Variants in CRACDL observed in about 807,000 individuals in gnomAD.
The protein encoded by CRACDL is CRACD-like protein.
CRACDL carries 26 observed loss-of-function variants against 70.6 expected under a neutral mutation model. The observed-to-expected ratio is 0.37, with a 90% CI of 0.27 to 0.51. The LOEUF is 0.51. Ranked by LOEUF, CRACDL falls within the 20% of genes least tolerant of loss-of-function variation. The probability of loss-of-function intolerance (pLI) is 0.94; values close to 1 mark genes in which losing one functional copy is unlikely to be tolerated. For missense variants in CRACDL, 1,283 were observed against 1,376.9 expected (o/e 0.93, Z 1.08); for synonymous variants, 618 against 615.2 (o/e 1.00, Z -0.07).
intron 8 of CRACDL, 142 bp from the exon 9 acceptor site, chr2:98,796,406 G>T: frequency 1.3e-6 from 1 of 749,492 alleles, no homozygotes; most frequent in Non-Finnish European, 2.2e-6. Context: ...CCTGGTGTCA[G>T]CTCACTAACA....
At chr2:98,816,050 G>C (rs369270741) in intron 7 of CRACDL, among the ~76,000 whole-genome samples, 5 of 152,088 alleles carry the variant, frequency 3.3e-5, no homozygotes, top group Admixed American at 3.3e-4. Flanking sequence ...CTGGTGGTGG[G>C]GGGGTGCAGT....
At chr2:98,865,451 G>A (rs1707096442) in intron 1 of CRACDL, among the ~76,000 whole-genome samples, 5 of 151,926 alleles carry the variant, frequency 3.3e-5, no homozygotes, top group South Asian at 4.2e-4. Context: ...ACAGATTCAC[G>A]CCTGGTTACA....
chr2:98,835,735 C>T (rs886817985), intron 3 of CRACDL, among the ~76,000 whole-genome samples: 4 of 152,142 alleles, frequency 2.6e-5, no homozygotes, highest in Admixed American at 1.3e-4. Context: ...AATTGTATTT[C>T]GGAGCAACCA....
chr2:98,848,776 C>A (rs533918204), intron 1 of CRACDL, among the ~76,000 whole-genome samples: 3 of 152,114 alleles, frequency 2.0e-5, no homozygotes, highest in Non-Finnish European at 2.9e-5. Flanking sequence ...TTTGTAGAAA[C>A]GGGGTTTCGC....
At chr2:98,826,752 C>T (rs546202322) in intron 6 of CRACDL, among the ~76,000 whole-genome samples, 5 of 152,192 alleles carry the variant, frequency 3.3e-5, no homozygotes, top group South Asian at 2.1e-4. Context: ...GACGGACAGA[C>T]GGATGGATGA....
intron 1 of CRACDL, among the ~76,000 whole-genome samples, chr2:98,864,634 C>T (rs1365233967): frequency 6.6e-6 from 1 of 152,016 alleles, no homozygotes; most frequent in East Asian, 1.9e-4. Flanking sequence ...GCAACCTCCG[C>T]CTCCTAGGTT....
rs764371246 is a variant in CRACDL at position 98,797,416 on chromosome 2, G to A, written c.2538C>T (p.Asp846=). 2 of 1,614,224 alleles carry A rather than the reference G, an allele frequency of 1.2e-6. No individual in the cohort carries two copies. Among genetic ancestry groups the A allele is most frequent in the Non-Finnish European group, 8.5e-7 (1 of 1,180,044 alleles). The stretch of plus-strand genomic sequence containing the variant: ...ACTTCAGGGTCCGTGCCCCAGGCTT[G>A]TCTTCCTGGTTGGGTGGCTGGTCCA... ...GTLDQPPNQE[D]KPGARTLKSE... The change falls in exon 8 of 10, where the codon GAC becomes GAT. Residue 846 remains aspartate (D), a synonymous_variant. Coordinates refer to ENST00000397899, the MANE Select transcript of CRACDL (RefSeq NM_207362.3).
chr2:98,924,139 T>C (rs1708861746), intron 1 of CRACDL, among the ~76,000 whole-genome samples: 2 of 152,204 alleles, frequency 1.3e-5, no homozygotes, highest in Admixed American at 6.5e-5. Context: ...TGCTGGCACA[T>C]GGCAAGCAGT....
At position 98,920,062 on chromosome 2, in the gene CRACDL, G is replaced by A. The variant is rs116442597; in HGVS notation, c.-11+15876C>T. 2.9e-3 allele frequency among the ~76,000 whole-genome samples: 446 copies of A among 152,214 alleles called. 2 individuals carry two copies. Among genetic ancestry groups the A allele is most frequent in the African/African-American group, 1.0e-2 (415 of 41,530 alleles). On this transcript the variant is annotated intron_variant, in intron 1 of 9. Coordinates refer to ENST00000397899, the MANE Select transcript of CRACDL (RefSeq NM_207362.3). ...AGCCACTGTGCCTGGCCTACAATAC[G>A]TTTTTTAATATGTTTTAATATCTGG...
chr2:98,903,176 C>T (rs1055834592), intron 1 of CRACDL, among the ~76,000 whole-genome samples: 5 of 152,118 alleles, frequency 3.3e-5, no homozygotes, highest in Non-Finnish European at 7.4e-5. Context: ...TCTCCGAGCC[C>T]CGGGGCTTCA....
At chr2:98,934,719 C>CT (rs1709166471) in intron 1 of CRACDL, among the ~76,000 whole-genome samples, 1 of 152,190 alleles carries the variant, frequency 6.6e-6, no homozygotes, top group Admixed American at 6.5e-5. Context: ...CAGGTACTCA[C>CT]TACAGGCACA....
chr2:98,925,752 G>T (rs555263423), intron 1 of CRACDL, among the ~76,000 whole-genome samples: 1 of 152,196 alleles, frequency 6.6e-6, no homozygotes, highest in East Asian at 1.9e-4. Flanking sequence ...GTGACTACAA[G>T]GATTAAATAA....
Position 98,826,986 on chromosome 2 carries a change from G to C in CRACDL, c.724C>G (p.Arg242Gly). 6.2e-7 allele frequency: 1 copy of C among 1,612,752 alleles called. No homozygotes were observed. The highest frequency in any genetic ancestry group is 8.5e-7 in the Non-Finnish European group (1 of 1,179,324). Residue 242 changes from arginine to glycine, a missense_variant, in exon 6 of 10, where the codon CGG (arginine) becomes GGG (glycine). This residue lies in a region of CRACDL where 362 missense variants were observed against 495.0 expected (regional missense o/e 0.73). Transcript: ENST00000397899. ...GGAAACCCAATTACCGATGAGAGCC[G>C]CCTCATCTTACTCGACCGCTGGTTG... ...PRNQRSSKMR[R>G]LSSRAQSESL...
At chr2:98,826,745 G>A (rs759871535) in intron 6 of CRACDL, among the ~76,000 whole-genome samples, 11 of 152,152 alleles carry the variant, frequency 7.2e-5, no homozygotes, top group Non-Finnish European at 1.3e-4. Flanking sequence ...GAGGAATGAC[G>A]GACAGACGGA....
At chr2:98,834,021 A>G (rs947760339) in intron 3 of CRACDL, among the ~76,000 whole-genome samples, 10 of 152,226 alleles carry the variant, frequency 6.6e-5, no homozygotes, top group African/African-American at 2.4e-4. Context: ...CATGGCTCCC[A>G]GGATGTGTGT....
chr2:98,820,722 T>C (rs1704990848), intron 7 of CRACDL, among the ~76,000 whole-genome samples: 1 of 152,266 alleles, frequency 6.6e-6, no homozygotes, highest in South Asian at 2.1e-4. Flanking sequence ...CTTTCAAATA[T>C]TCTTACGTTC....
rs776577082 is a variant in CRACDL, at chr2:98,838,200, G to A, written c.158C>T (p.Thr53Ile). The A allele has an allele frequency of 6.2e-7, 1 of 1,613,890 alleles. No individual in the cohort carries two copies. The highest frequency in any genetic ancestry group is 8.5e-7 in the Non-Finnish European group (1 of 1,179,840). ...ATTCCTCGTCTGACTTTGTTTCCAG[G>A]TGCTACTTCCTGTGGACGACGGCGA... Reference protein sequence around the residue: ...KESPSSTGSSTWKQSQTRNEV... With the variant: ...KESPSSTGSSIWKQSQTRNEV... Residue 53 changes from threonine (T) to isoleucine (I), a missense_variant, in exon 3 of 10, where the codon ACC (threonine) becomes ATC (isoleucine). By Grantham distance (89) the Thr-to-Ile change is moderately conservative. Coordinates refer to ENST00000397899, the MANE Select transcript of CRACDL (RefSeq NM_207362.3).
intron 1 of CRACDL, among the ~76,000 whole-genome samples, chr2:98,903,474 A>G (rs1334617283): frequency 6.6e-6 from 1 of 152,200 alleles, no homozygotes; most frequent in Non-Finnish European, 1.5e-5. Context: ...AGAAAAAAAT[A>G]AAGGAGTCCT....
At chr2:98,854,562 G>A (rs981343859) in intron 1 of CRACDL, among the ~76,000 whole-genome samples, 4 of 151,734 alleles carry the variant, frequency 2.6e-5, no homozygotes, top group African/African-American at 7.3e-5. Context: ...GAAAATATTC[G>A]TAAAAAATAT....
Sources: allele counts gnomAD v4.1 joint callset (sites outside exome capture counted in the v4.1 genomes callset), GRCh38; gene constraint gnomAD v4.1.1; regional missense constraint gnomAD v4.1.1; transcripts MANE v1.5; gene names NCBI Gene and HGNC (gene_info 2026-07-23, HGNC 2026-07-21).